Variants in SFSWAP observed in about 807,000 individuals in gnomAD.
SFSWAP encodes splicing factor, suppressor of white-apricot homolog.
In SFSWAP, 17 loss-of-function variants were observed where a neutral mutation model predicts 100.7. The ratio of observed to expected loss-of-function variants is 0.17; its 90% confidence interval spans 0.12 to 0.25. SFSWAP has a LOEUF of 0.25. Among genes scored for constraint, SFSWAP ranks in the 10% least tolerant of loss-of-function variants. The pLI is 1.00. For missense variants in SFSWAP, 1,005 were observed against 1,262.6 expected (o/e 0.80, Z 3.09); for synonymous variants, 504 against 510.1 (o/e 0.99, Z 0.16).
chr12:131,738,882 A>ATTTTTTTTT (rs1555243205), intron 7 of SFSWAP, among the ~76,000 whole-genome samples: 4 of 40,218 alleles, frequency 9.9e-5, no homozygotes, highest in Admixed American at 3.6e-4. Flanking sequence ...AATGAACATT[A>ATTTTTTTTT]TTCTTTTTTT....
chr12:131,745,195 G>A (rs56255887), intron 7 of SFSWAP, among the ~76,000 whole-genome samples: 24,955 of 152,134 alleles, frequency 0.16, 2,346 homozygotes, highest in South Asian at 0.28. Flanking sequence ...TAAAAACTTT[G>A]GGCTTACATC....
chr12:131,765,901 G>GTA (rs1283383291), intron 12 of SFSWAP, among the ~76,000 whole-genome samples: 2 of 152,120 alleles, frequency 1.3e-5, no homozygotes, highest in African/African-American at 4.8e-5. Context: ...TTTCGTTAGT[G>GTA]TAGAGTCTCA....
rs1023753566 is a variant in SFSWAP, at chr12:131,714,952, A to T, written c.519A>T (p.Arg173Ser). The change falls in exon 3 of 18, where the codon AGA becomes AGT. Residue 173 changes from arginine (R) to serine (S), a missense_variant and splice_region_variant. Arg to Ser is a moderately radical substitution (Grantham distance 110). Around this residue, in one of 7 missense-constraint regions of SFSWAP, gnomAD observed 237 missense variants for 337.0 expected, o/e 0.70. Transcript: ENST00000261674. This position sits in a 1 kb window ranked among gnomAD's most constrained non-coding sequence, Gnocchi z 6.0. ...AGGAGGAGGAGCCTTCCAAACAGAG[A>T]GGTGAGTGGGGAGCTGCCTGGACTG... The part of the protein sequence containing the change: ...PTEEEEPSKQ[R>S]EKNEAENLEE... 4 of 1,613,842 alleles carry T rather than the reference A, an allele frequency of 2.5e-6. No homozygotes were observed. The Admixed American group carries it at 6.7e-5, about 27-fold the overall frequency.
chr12:131,724,025 ATAAAG>A (rs552437327), intron 4 of SFSWAP, among the ~76,000 whole-genome samples: 20 of 152,238 alleles, frequency 1.3e-4, no homozygotes, highest in Admixed American at 2.6e-4. Context: ...AGTCTGCCTA[ATAAAG>A]TAAAGAATGG....
chr12:131,733,239 G>A lies in SFSWAP; in HGVS notation c.1081+4811G>A, dbSNP rs1336181568. On this transcript the variant is annotated intron_variant, in intron 7 of 17. Transcript: ENST00000261674. This position sits in a 1 kb window ranked among gnomAD's most constrained non-coding sequence, Gnocchi z 5.1. ...ACTGGGCAGGTGCGTATCGTCAGGA[G>A]CTCCTCACCCTGCCCTGTGAGAACT... 1.3e-5 allele frequency among the ~76,000 whole-genome samples: 2 copies of A among 152,152 alleles called. No individual in the cohort carries two copies. The highest frequency in any genetic ancestry group is 2.9e-5 in the Non-Finnish European group (2 of 68,038).
In SFSWAP at chr12:131,714,387, C is replaced by T; in HGVS notation, c.388+147C>T. ...TGGATTGGAAAAACAGGAGTCTTTG[C>T]GTTCTGAGAGGACCTCAGGATAGTT... On this transcript the variant is annotated intron_variant, in intron 2 of 17. Coordinates refer to ENST00000261674, the MANE Select transcript of SFSWAP (RefSeq NM_004592.4). The surrounding 1 kb of genome is among the most constrained non-coding windows in gnomAD (Gnocchi z 6.0). The T allele has an allele frequency of 3.0e-6, 2 of 665,008 alleles. No homozygotes were observed. The highest frequency in any genetic ancestry group is 4.9e-6 in the Non-Finnish European group (2 of 405,568). The allele number at this position is 665,008 out of a possible 1,614,324, so 41.2% of individuals were successfully genotyped here.
At position 131,743,681 on chromosome 12, in the gene SFSWAP, A is replaced by G. The variant is rs978810732; in HGVS notation, c.1082-9442A>G. 3.3e-5 allele frequency among the ~76,000 whole-genome samples: 5 copies of G among 152,248 alleles called. No individual in the cohort carries two copies. The East Asian group carries it at 7.7e-4, about 23-fold the overall frequency. ...GATCTACCATTCTGGGGTCTGGAGG[A>G]TGGTGGCCCTCTTCTCACAGCTGCA... On this transcript the variant is annotated intron_variant, in intron 7 of 17. Transcript: ENST00000261674.
chr12:131,736,671 C>CT (rs1880050094), intron 7 of SFSWAP, among the ~76,000 whole-genome samples: 1 of 151,662 alleles, frequency 6.6e-6, no homozygotes, highest in Non-Finnish European at 1.5e-5. Context: ...CTTCGTGTTA[C>CT]AGTAGAAAGG....
At position 131,785,234 on chromosome 12, in the gene SFSWAP, T is replaced by C. The variant is rs1332025292; in HGVS notation, c.2409-1229T>C. ...AAACCTGGTAAAACGTCAAGGTGTC[T>C]AACTGACCTCGCCTTTATCATCTGT... On this transcript the variant is annotated intron_variant, in intron 14 of 17. Transcript: ENST00000261674. 7.8e-6 allele frequency: 12 copies of C among 1,531,014 alleles called. No homozygotes were observed. The East Asian group carries it at 2.9e-4, about 38-fold the overall frequency. 94.8% of individuals were successfully genotyped at this position (1,531,014 alleles called of 1,614,324 possible). A position where few individuals can be genotyped will look rare whatever the true frequency, so the allele number is the denominator to read the frequency against.
intron 11 of SFSWAP, among the ~76,000 whole-genome samples, chr12:131,763,203 G>A (rs1309186649): frequency 2.6e-5 from 4 of 152,108 alleles, no homozygotes; most frequent in South Asian, 2.1e-4. Flanking sequence ...AAGGACCTCC[G>A]CCAGGGGCCA....
intron 13 of SFSWAP, among the ~76,000 whole-genome samples, chr12:131,772,698 G>A (rs969221445): frequency 6.6e-6 from 1 of 152,236 alleles, no homozygotes; most frequent in Non-Finnish European, 1.5e-5. Context: ...TGTGACCCCT[G>A]GAGCCTCAGA....
intron 13 of SFSWAP, among the ~76,000 whole-genome samples, chr12:131,774,545 C>G (rs1319919559): frequency 6.6e-6 from 1 of 152,150 alleles, no homozygotes; most frequent in Non-Finnish European, 1.5e-5. Flanking sequence ...CGTCTGCCCC[C>G]CTACATTCAA....
Position 131,797,189 on chromosome 12 carries a change from A to G in SFSWAP, c.2546A>G (p.Glu849Gly). 1 of 1,589,156 alleles carries G rather than the reference A, an allele frequency of 6.3e-7. No homozygotes were observed. Among genetic ancestry groups the G allele is most frequent in the Non-Finnish European group, 8.6e-7 (1 of 1,166,340 alleles). ...RKRTRSRSPH[E>G]KKKKRRSRSR... ...CTCTTGCCTTTCAGAAGTCCCCACGAGAAGAAGAAGAAGAGGCGGTCCCGG... is the reference window on the plus strand; with the variant it reads ...CTCTTGCCTTTCAGAAGTCCCCACGGGAAGAAGAAGAAGAGGCGGTCCCGG... The change falls in exon 16 of 18, where the codon GAG becomes GGG. Residue 849 changes from glutamate (E) to glycine (G), a missense_variant. Glu to Gly is a moderately conservative substitution (Grantham distance 98, BLOSUM62 -2). Around this residue, in one of 7 missense-constraint regions of SFSWAP, gnomAD observed 295 missense variants for 347.9 expected, o/e 0.85. Coordinates refer to ENST00000261674, the MANE Select transcript of SFSWAP (RefSeq NM_004592.4).
At chr12:131,753,050 T>G in intron 7 of SFSWAP, 73 bp from the exon 8 acceptor site, 1 of 1,581,422 alleles carries the variant, frequency 6.3e-7, no homozygotes, top group Non-Finnish European at 8.6e-7. Context: ...GAAGGGCTCT[T>G]GTGGCTGCAT....
chr12:131,719,993 G>A (rs985184167), intron 4 of SFSWAP, among the ~76,000 whole-genome samples: 1 of 152,158 alleles, frequency 6.6e-6, no homozygotes, highest in Non-Finnish European at 1.5e-5. Context: ...TGTTGTGATA[G>A]GTCCCTGTGG....
At chr12:131,788,277 C>T (rs73160795) in intron 15 of SFSWAP, among the ~76,000 whole-genome samples, 2,158 of 152,266 alleles carry the variant, frequency 0.014, 26 homozygotes, top group Non-Finnish European at 0.024. Flanking sequence ...ACATTCTCAC[C>T]GAGCACTAAC....
intron 14 of SFSWAP, among the ~76,000 whole-genome samples, chr12:131,781,307 T>G (rs113935366): frequency 2.7e-5 from 4 of 150,458 alleles, no homozygotes; most frequent in Non-Finnish European, 4.4e-5. Context: ...GCGCGATCTC[T>G]GCTCACTGCA....
At chr12:131,775,620 G>C (rs1241459857) in intron 13 of SFSWAP, among the ~76,000 whole-genome samples, 1 of 152,154 alleles carries the variant, frequency 6.6e-6, no homozygotes, top group Non-Finnish European at 1.5e-5. Flanking sequence ...CCATAGCTAG[G>C]ATGTTGAGCC....
At chr12:131,748,755 C>T (rs1307123817) in intron 7 of SFSWAP, among the ~76,000 whole-genome samples, 2 of 152,232 alleles carry the variant, frequency 1.3e-5, no homozygotes, top group Non-Finnish European at 2.9e-5. Context: ...TACAAATGTG[C>T]TTCCTGCTTT....
Sources: gnomAD v4.1 joint callset for allele counts (sites outside exome capture counted in the v4.1 genomes callset) on GRCh38, gnomAD v4.1.1 for gene constraint, gnomAD v4.1.1 regional missense constraint, Gnocchi (gnomAD v3.1) non-coding constraint, MANE v1.5 for transcripts, NCBI Gene and HGNC (gene_info 2026-07-23, HGNC 2026-07-21) for gene names.